C5orf63: variants seen among roughly 807,000 people sequenced by gnomAD.
The protein encoded by C5orf63 is chromosome 5 open reading frame 63.
Under a neutral mutation model 13.3 loss-of-function variants are expected in C5orf63, and 18 were observed. The observed-to-expected ratio is 1.36, with a 90% confidence interval of 0.94 to 2.01. C5orf63 has a LOEUF of 2.01. C5orf63 is among the 30% of genes most tolerant of loss of function. C5orf63 has a pLI of 0.00. For synonymous variants in C5orf63, 38 were observed against 44.7 expected, an observed-to-expected ratio of 0.85 and a Z score of 0.60; for missense variants, 118 against 127.7, an observed-to-expected ratio of 0.92 and a Z score of 0.36.
exon 5 of C5orf63, chr5:127,045,448 TC>T: frequency 6.6e-6 from 1 of 152,246 alleles, no homozygotes; most frequent in Non-Finnish European, 1.5e-5. Context: ...TTTCCTACTC[TC>T]TTTACCCTAG....
At chr5:127,069,718 T>C (rs1374865641) in intron 2 of C5orf63, among the ~76,000 whole-genome samples, 1 of 152,218 alleles carries the variant, frequency 6.6e-6, no homozygotes, top group Non-Finnish European at 1.5e-5. Flanking sequence ...TTGCTTGACA[T>C]TAGGCTGTGG....
chr5:127,043,994 G>A (rs1043324901), downstream of C5orf63: 6 of 152,232 alleles, frequency 3.9e-5, no homozygotes, highest in African/African-American at 1.4e-4. Context: ...GGTCTTCTGT[G>A]CAATGCAATG....
chr5:127,053,538 C>CTAGT (rs2078639507), intron 3 of C5orf63, among the ~76,000 whole-genome samples: 1 of 152,106 alleles, frequency 6.6e-6, no homozygotes, highest in African/African-American at 2.4e-5. Flanking sequence ...CACCCATCAA[C>CTAGT]TAGTCATTTA....
At chr5:127,048,890 T>C (rs1044661039), downstream of C5orf63, among the ~76,000 whole-genome samples, 1 of 152,188 alleles carries the variant, frequency 6.6e-6, no homozygotes, top group African/African-American at 2.4e-5. Flanking sequence ...AAAGAAACTC[T>C]TGGAACCTTT....
At chr5:127,056,812 G>T (rs1179048885) in intron 3 of C5orf63, among the ~76,000 whole-genome samples, 1 of 152,126 alleles carries the variant, frequency 6.6e-6, no homozygotes, top group African/African-American at 2.4e-5. Context: ...ACTCACTCTG[G>T]GAAGTACTTT....
At chr5:127,063,558 C>T (rs1440912853) in intron 2 of C5orf63, among the ~76,000 whole-genome samples, 1 of 152,128 alleles carries the variant, frequency 6.6e-6, no homozygotes, top group Non-Finnish European at 1.5e-5. Flanking sequence ...TTTGGCACAC[C>T]AAATTTTCAA....
At chr5:127,059,862 C>T (rs1440143445) in intron 2 of C5orf63, among the ~76,000 whole-genome samples, 2 of 151,706 alleles carry the variant, frequency 1.3e-5, no homozygotes, top group East Asian at 3.9e-4. Context: ...AAACACAAAG[C>T]TGGCCAGGCG....
intron 3 of C5orf63, among the ~76,000 whole-genome samples, chr5:127,056,121 C>T (rs1753876615): frequency 6.6e-6 from 1 of 152,136 alleles, no homozygotes; most frequent in African/African-American, 2.4e-5. Context: ...AGGAACTACT[C>T]TCAGCATGTG....
chr5:127,047,969 G>A (rs1004734429), downstream of C5orf63: 18 of 636,412 alleles, frequency 2.8e-5, no homozygotes, highest in African/African-American at 2.9e-4. Flanking sequence ...TTTCAGTGGT[G>A]GAGTTGTATA....
chr5:127,066,486 TAAAGA>T (rs1429985678), intron 2 of C5orf63, among the ~76,000 whole-genome samples: 1 of 151,528 alleles, frequency 6.6e-6, no homozygotes, highest in African/African-American at 2.4e-5. Context: ...CATGAGGAAT[TAAAGA>T]AAAGAAAAGA....
intron 2 of C5orf63, among the ~76,000 whole-genome samples, chr5:127,067,074 C>A (rs1754359602): frequency 6.6e-6 from 1 of 152,124 alleles, no homozygotes; most frequent in Admixed American, 6.5e-5. Context: ...AATGCCTACT[C>A]CTAAAATGAA....
intron 2 of C5orf63, among the ~76,000 whole-genome samples, chr5:127,065,740 C>T (rs2126898252): frequency 6.6e-6 from 1 of 152,210 alleles, no homozygotes; most frequent in Non-Finnish European, 1.5e-5. Context: ...AATCTGGCAG[C>T]AGCAGGCAGA....
intron 2 of C5orf63, among the ~76,000 whole-genome samples, chr5:127,060,963 A>T (rs1754081027): frequency 6.6e-6 from 1 of 152,212 alleles, no homozygotes; most frequent in African/African-American, 2.4e-5. Context: ...AAGTACCCAC[A>T]ATTAACCTGG....
Position 127,051,842 on chromosome 5 carries a change from T to G in C5orf63, c.277A>C (p.Met93Leu). Residue 93 changes from methionine (M) to leucine (L), a missense_variant, in exon 5 of 5, where the codon ATG becomes CTG. Transcript: ENST00000296662. ...VFHLNGQFLM[M>L]HRVNTSKLEK... is the part of the protein sequence containing the mutation. ...AGTTTTGAGGTGTTTACTCGATGCA[T>G]CATCAGAAACTGGCCATTCAAGTGA... 1.3e-6 allele frequency: 2 copies of G among 1,536,362 alleles called. No homozygotes were observed. The highest frequency in any genetic ancestry group is 1.7e-6 in the Non-Finnish European group (2 of 1,146,414).
At chr5:127,066,713 C>T (rs748109624) in intron 2 of C5orf63, among the ~76,000 whole-genome samples, 2 of 151,894 alleles carry the variant, frequency 1.3e-5, no homozygotes, top group Non-Finnish European at 2.9e-5. Context: ...AGACTTGAGT[C>T]TCCATCGGTT....
intron 3 of C5orf63, among the ~76,000 whole-genome samples, chr5:127,057,627 T>C (rs1370775419): frequency 6.6e-6 from 1 of 152,226 alleles, no homozygotes; most frequent in East Asian, 1.9e-4. Context: ...AAGTCAATAC[T>C]TGAAGCGCTT....
At chr5:127,043,196 G>C (rs1753444159), downstream of C5orf63, 1 of 152,160 alleles carries the variant, frequency 6.6e-6, no homozygotes, top group South Asian at 2.1e-4. Flanking sequence ...GAACAAAAGT[G>C]GGAGGGAGTA....
chr5:127,061,854 G>T (rs958325490), intron 2 of C5orf63, among the ~76,000 whole-genome samples: 1 of 152,288 alleles, frequency 6.6e-6, no homozygotes, highest in Middle Eastern at 3.4e-3. Context: ...AAAGGCAGAA[G>T]AATTAACTTC....
intron 2 of C5orf63, among the ~76,000 whole-genome samples, chr5:127,071,123 T>C (rs546199021): frequency 6.6e-6 from 1 of 152,324 alleles, no homozygotes; most frequent in East Asian, 1.9e-4. Flanking sequence ...TGCCATGTAT[T>C]AGAAATATAA....
Sources: allele counts gnomAD v4.1 joint callset (sites outside exome capture counted in the v4.1 genomes callset), GRCh38; gene constraint gnomAD v4.1.1; transcripts MANE v1.5; gene names NCBI Gene and HGNC (gene_info 2026-07-23, HGNC 2026-07-21).